Variants in RBM6 observed in about 807,000 individuals in gnomAD.
RBM6 encodes the protein RNA binding motif protein 6.
In RBM6, 23 loss-of-function variants were observed where a neutral mutation model predicts 140.4. The ratio of observed to expected loss-of-function variants is 0.16; its 90% CI spans 0.12 to 0.23. The LOEUF is 0.23. Ranked by LOEUF, RBM6 falls within the 10% of genes least tolerant of loss-of-function variation. RBM6 has a pLI of 1.00. For synonymous variants in RBM6, 439 were observed against 475.6 expected (o/e 0.92, Z 1.00); for missense variants, 1,139 against 1,386.7 (o/e 0.82, Z 2.84).
chr3:49,978,668 C>G (rs779716716), intron 5 of RBM6, among the ~76,000 whole-genome samples: 16 of 152,258 alleles, frequency 1.1e-4, no homozygotes, highest in Non-Finnish European at 1.8e-4. Flanking sequence ...AGACATAATA[C>G]TTACGCTGCA....
intron 5 of RBM6, among the ~76,000 whole-genome samples, chr3:49,976,513 C>A (rs1052985508): frequency 6.6e-6 from 1 of 152,132 alleles, no homozygotes; most frequent in Non-Finnish European, 1.5e-5. Context: ...CTTGGTATCT[C>A]ACTTATGTTG....
intron 5 of RBM6, among the ~76,000 whole-genome samples, chr3:49,984,787 G>T (rs2085488752): frequency 6.6e-6 from 1 of 152,232 alleles, no homozygotes; most frequent in Admixed American, 6.5e-5. Flanking sequence ...ATAAAGCCAA[G>T]AAGAAGGATA....
intron 7 of RBM6, 120 bp downstream of exon 7, chr3:50,048,439 C>T (rs1464722734): frequency 6.8e-7 from 1 of 1,480,488 alleles, no homozygotes; most frequent in Non-Finnish European, 8.9e-7. Flanking sequence ...TTCCTCAGGT[C>T]ACTTCAGTTG....
intron 6 of RBM6, among the ~76,000 whole-genome samples, chr3:50,018,899 G>C (rs2087331899): frequency 6.6e-6 from 1 of 151,988 alleles, no homozygotes; most frequent in African/African-American, 2.4e-5. Context: ...TGTAGAGTAT[G>C]TTTAATTTTG....
intron 1 of RBM6, among the ~76,000 whole-genome samples, chr3:49,954,430 A>G (rs1208663111): frequency 6.9e-6 from 1 of 145,384 alleles, no homozygotes; most frequent in Admixed American, 7.1e-5. Flanking sequence ...ACAGAGCGAG[A>G]CTCCATCTCA....
chr3:49,987,648 T>G (rs1392542816), intron 5 of RBM6, among the ~76,000 whole-genome samples: 6 of 150,750 alleles, frequency 4.0e-5, no homozygotes, highest in African/African-American at 1.5e-4. Context: ...TCTTTTTTCT[T>G]TTTTTTTTGA....
At chr3:49,941,469 C>T (rs1401363173) in intron 1 of RBM6, among the ~76,000 whole-genome samples, 2 of 151,590 alleles carry the variant, frequency 1.3e-5, no homozygotes, top group Non-Finnish European at 2.9e-5. Flanking sequence ...GGAGAAACCG[C>T]GTCTCTACTA....
In RBM6 at chr3:50,057,796, G is replaced by A; in HGVS notation, c.1762G>A (p.Glu588Lys). 6.2e-7 allele frequency: 1 copy of A among 1,613,444 alleles called. No individual in the cohort carries two copies. Among genetic ancestry groups the A allele is most frequent in the Non-Finnish European group, 8.5e-7 (1 of 1,179,908 alleles). ...GAAAACATCCATACCAGCACCATTG[G>A]AAAAACAGCCCAACCAGCCCCTAAG... ...PQKTSIPAPLEKQPNQPLRPA... is the reference protein window; with the variant it reads ...PQKTSIPAPLKKQPNQPLRPA... Residue 588 changes from glutamate (E) to lysine (K), a missense_variant, in exon 9 of 21, where the codon GAA becomes AAA. By Grantham distance (56) the Glu-to-Lys change is moderately conservative. Transcript: ENST00000266022.
intron 1 of RBM6, among the ~76,000 whole-genome samples, chr3:49,953,336 C>T (rs1283554664): frequency 1.3e-5 from 2 of 151,918 alleles, no homozygotes; most frequent in African/African-American, 4.8e-5. Context: ...TCTCCTCCCT[C>T]AGCCTCCTGA....
rs1038808950 is a variant in RBM6, at chr3:50,044,205, C to T, written c.1558-4040C>T. On this transcript the variant is annotated intron_variant, in intron 6 of 20. Coordinates refer to ENST00000266022, the MANE Select transcript of RBM6 (RefSeq NM_005777.3). Reference sequence around the variant, plus strand: ...TATGGTACCTCTTTAGGAGCCAGACCTGGTTAATCAGACACATGGCTTTCA... The same window carrying T: ...TATGGTACCTCTTTAGGAGCCAGACTTGGTTAATCAGACACATGGCTTTCA... 5.3e-5 allele frequency among the ~76,000 whole-genome samples: 8 copies of T among 152,074 alleles called. 1 individual carries two copies. Among genetic ancestry groups the T allele is most frequent in the Non-Finnish European group, 1.2e-4 (8 of 68,020 alleles).
At chr3:49,990,988 A>T (rs1239380816) in intron 5 of RBM6, among the ~76,000 whole-genome samples, 4 of 152,174 alleles carry the variant, frequency 2.6e-5, no homozygotes, top group Admixed American at 2.6e-4. Context: ...GACCATTCTT[A>T]CTTCAGACAC....
At chr3:49,954,414 T>A (rs745966516) in intron 1 of RBM6, among the ~76,000 whole-genome samples, 102 of 141,270 alleles carry the variant, frequency 7.2e-4, no homozygotes, top group African/African-American at 2.1e-3. Flanking sequence ...CACTCCAGCC[T>A]GGGCGACAGA....
intron 20 of RBM6, 150 bp downstream of exon 20, chr3:50,075,480 A>G (rs2090433548): frequency 1.9e-6 from 2 of 1,079,184 alleles, no homozygotes; most frequent in Non-Finnish European, 2.6e-6. Context: ...AGCCTTGAAT[A>G]CTGGGTTATA....
chr3:49,978,189 C>T (rs980493170), intron 5 of RBM6, among the ~76,000 whole-genome samples: 3 of 152,040 alleles, frequency 2.0e-5, no homozygotes, highest in African/African-American at 4.8e-5. Context: ...TTTGTAGAGG[C>T]GCGGTCTCAC....
At chr3:49,989,200 A>G (rs2085701240) in intron 5 of RBM6, among the ~76,000 whole-genome samples, 1 of 152,220 alleles carries the variant, frequency 6.6e-6, no homozygotes, top group Admixed American at 6.5e-5. Flanking sequence ...AGTCAAAGAA[A>G]ATATTATTCA....
chr3:50,065,613 G>C (rs183522957), intron 16 of RBM6: 1 of 457,116 alleles, frequency 2.2e-6, no homozygotes, highest in Non-Finnish European at 4.4e-6. Flanking sequence ...CTAATCACCA[G>C]TGATTCTGAT....
intron 6 of RBM6, among the ~76,000 whole-genome samples, chr3:50,016,095 C>A (rs1428386060): frequency 6.6e-6 from 1 of 152,214 alleles, no homozygotes; most frequent in African/African-American, 2.4e-5. Context: ...CTCCTCCACC[C>A]GCCTTCTCCA....
intron 6 of RBM6, among the ~76,000 whole-genome samples, chr3:50,026,538 T>A (rs1005386342): frequency 6.6e-6 from 1 of 150,980 alleles, no homozygotes; most frequent in Non-Finnish European, 1.5e-5. Flanking sequence ...CACCACCACG[T>A]CTGGCTAATT....
intron 1 of RBM6, among the ~76,000 whole-genome samples, chr3:49,950,855 C>G (rs1052900464): frequency 1.1e-4 from 17 of 151,602 alleles, no homozygotes; most frequent in Non-Finnish European, 1.5e-5. Context: ...TAATTGAAAA[C>G]AAAGAAAAAG....
Sources: gnomAD v4.1 joint callset for allele counts (sites outside exome capture counted in the v4.1 genomes callset) on GRCh38, gnomAD v4.1.1 for gene constraint, MANE v1.5 for transcripts, NCBI Gene and HGNC (gene_info 2026-07-23, HGNC 2026-07-21) for gene names.